Variants in TENM1 observed in about 807,000 individuals in gnomAD.
TENM1 encodes the protein teneurin-1.
TENM1 carries 35 observed loss-of-function variants against 174.8 expected under a neutral mutation model. The ratio of observed to expected loss-of-function variants is 0.20; its 90% confidence interval spans 0.15 to 0.27. The LOEUF (loss-of-function observed/expected upper bound fraction) is 0.27. Among genes scored for constraint, TENM1 ranks in the 10% least tolerant of loss-of-function variants. The probability of loss-of-function intolerance (pLI) is 1.00; values close to 1 mark genes in which losing one functional copy is unlikely to be tolerated. For missense variants in TENM1, 1,633 were observed against 2,130.1 expected, an observed-to-expected ratio of 0.77 and a Z score of 4.59; for synonymous variants, 781 against 798.7, an observed-to-expected ratio of 0.98 and a Z score of 0.37.
At chrX:124,594,130 G>T (rs772084553) in intron 11 of TENM1, among the ~76,000 whole-genome samples, 77 of 111,679 alleles carry the variant, frequency 6.9e-4, no homozygotes, top group Non-Finnish European at 1.3e-3. Context: ...GCAAAACAAA[G>T]TGCTTTCCCT....
chrX:124,677,916 G>T (rs972202990), intron 5 of TENM1, among the ~76,000 whole-genome samples: 1 of 111,602 alleles, frequency 9.0e-6, no homozygotes, highest in South Asian at 3.7e-4. Context: ...TGCTAATATT[G>T]GGAGAAGCTC....
rs187376154 is a variant in TENM1, at chrX:124,767,784, C to T, written c.536-30587G>A. Among the ~76,000 whole-genome samples the T allele has an allele frequency of 1.4e-4, 16 of 111,089 alleles. No individual in the cohort carries two copies. The East Asian group carries it at 4.0e-3, about 28-fold the overall frequency. Reference sequence around the variant, plus strand: ...GGACCAAGGCATTTTTATTTTCCCACAGGCTGAGATGGTGGTTTAGAGATA... The same window carrying T: ...GGACCAAGGCATTTTTATTTTCCCATAGGCTGAGATGGTGGTTTAGAGATA... On this transcript the variant is annotated intron_variant, in intron 3 of 31. Transcript: ENST00000422452.
At chrX:124,605,040 G>C (rs1232579369) in intron 11 of TENM1, among the ~76,000 whole-genome samples, 1 of 106,655 alleles carries the variant, frequency 9.4e-6, no homozygotes, top group Non-Finnish European at 1.9e-5. Context: ...GGTTTCCCTT[G>C]CTTGGGACTC....
intron 29 of TENM1, 139 bp downstream of exon 32, chrX:124,385,538 G>A: frequency 1.8e-6 from 1 of 570,509 alleles, no homozygotes; most frequent in Non-Finnish European, 2.7e-6. Context: ...CATTTTCAAT[G>A]TCAGATAATT....
intron 1 of TENM1, among the ~76,000 whole-genome samples, chrX:124,930,630 T>G (rs925239019): frequency 1.8e-5 from 2 of 112,309 alleles, no homozygotes; most frequent in African/African-American, 6.5e-5. Flanking sequence ...TAAAATGGTA[T>G]GCTTGCTTCT....
chrX:124,623,869 G>A (rs768975588), intron 11 of TENM1, among the ~76,000 whole-genome samples: 3 of 111,314 alleles, frequency 2.7e-5, no homozygotes, highest in South Asian at 3.8e-4. Flanking sequence ...ATCTGTTTTC[G>A]CCCCAGACCA....
At chrX:124,606,254 T>C (rs1277475190) in intron 11 of TENM1, among the ~76,000 whole-genome samples, 1 of 111,142 alleles carries the variant, frequency 9.0e-6, no homozygotes, top group Non-Finnish European at 1.9e-5. Flanking sequence ...ATTCTAAAAT[T>C]ACAGGATCAC....
chrX:124,730,927 C>T (rs1469073506), intron 4 of TENM1, among the ~76,000 whole-genome samples: 1 of 111,398 alleles, frequency 9.0e-6, no homozygotes, highest in Non-Finnish European at 1.9e-5. Flanking sequence ...CCCTGAGATA[C>T]TCTAATATGG....
chrX:125,049,737 G>T, the TENM1 span, among the ~76,000 whole-genome samples: 1 of 111,162 alleles, frequency 9.0e-6, no homozygotes, highest in Non-Finnish European at 1.9e-5. Context: ...GTGTGACATA[G>T]TATCTCTTCT....
intron 3 of TENM1, among the ~76,000 whole-genome samples, chrX:124,864,077 C>T (rs1485481636): frequency 8.9e-6 from 1 of 112,310 alleles, no homozygotes; most frequent in African/African-American, 3.2e-5. Flanking sequence ...GCATATATCA[C>T]AACACACAAG....
At chrX:125,153,520 T>C in the TENM1 span, among the ~76,000 whole-genome samples, 1 of 112,276 alleles carries the variant, frequency 8.9e-6, no homozygotes, top group Admixed American at 9.4e-5. Context: ...ATGCCAAACA[T>C]AGTTGAATAA....
At chrX:124,510,098 A>G (rs1175535603) in intron 18 of TENM1, among the ~76,000 whole-genome samples, 1 of 112,613 alleles carries the variant, frequency 8.9e-6, no homozygotes, top group Non-Finnish European at 1.9e-5. Flanking sequence ...TGTATAATAC[A>G]TAACAATTAG....
At chrX:125,164,670 T>C in the TENM1 span, among the ~76,000 whole-genome samples, 1 of 112,115 alleles carries the variant, frequency 8.9e-6, no homozygotes, top group East Asian at 2.8e-4. Context: ...ATTGACTTTT[T>C]TCATCGGACT....
At chrX:124,416,712 TG>T (rs776261599) in intron 25 of TENM1, among the ~76,000 whole-genome samples, 2 of 111,793 alleles carry the variant, frequency 1.8e-5, no homozygotes, top group Admixed American at 1.9e-4. Flanking sequence ...TCTTTCCTCC[TG>T]GAATCACCTG....
chrX:124,683,055 A>G (rs2052275029), intron 5 of TENM1, among the ~76,000 whole-genome samples: 1 of 111,809 alleles, frequency 8.9e-6, no homozygotes, highest in African/African-American at 3.3e-5. Flanking sequence ...AAAAAAATAT[A>G]TGAGAAACTA....
At chrX:125,190,880 A>T in the TENM1 span, among the ~76,000 whole-genome samples, 2 of 111,577 alleles carry the variant, frequency 1.8e-5, no homozygotes, top group Non-Finnish European at 3.8e-5. Context: ...GCACTTTTGC[A>T]TATCTTTTTC....
At chrX:124,388,216 G>T (rs2060244998) in intron 28 of TENM1, among the ~76,000 whole-genome samples, 1 of 111,162 alleles carries the variant, frequency 9.0e-6, no homozygotes, top group Admixed American at 9.5e-5. Flanking sequence ...GTACCAGCCT[G>T]CCTGGGCCAT....
At chrX:124,798,134 C>G (rs746564760) in intron 3 of TENM1, among the ~76,000 whole-genome samples, 1 of 111,710 alleles carries the variant, frequency 9.0e-6, no homozygotes, top group African/African-American at 3.3e-5. Flanking sequence ...CTATTGTGAA[C>G]AGTGCTGCAA....
chrX:124,795,454 A>C (rs1022661364), intron 3 of TENM1, among the ~76,000 whole-genome samples: 5 of 112,207 alleles, frequency 4.5e-5, no homozygotes, highest in Non-Finnish European at 5.6e-5. Context: ...AGTTACCTCA[A>C]TACAATGTCC....
Sources: allele counts gnomAD v4.1 joint callset (sites outside exome capture counted in the v4.1 genomes callset), GRCh38; gene constraint gnomAD v4.1.1; transcripts MANE v1.5; gene names NCBI Gene and HGNC (gene_info 2026-07-23, HGNC 2026-07-21).